The following ADGRD1 variants were observed in gnomAD, a reference collection of about 807,000 sequenced individuals.
The protein encoded by ADGRD1 is adhesion G protein-coupled receptor D1.
In ADGRD1, 77 loss-of-function variants were observed where a neutral mutation model predicts 113.4. That is an observed-to-expected ratio of 0.68 (90% CI 0.57 to 0.82). The LOEUF is 0.82. Ranked by LOEUF, ADGRD1 falls within the 40% of genes least tolerant of loss-of-function variation. ADGRD1 has a pLI of 0.00. For synonymous variants in ADGRD1, 474 were observed against 475.0 expected (o/e 1.00, Z 0.03); for missense variants, 1,036 against 1,139.1 (o/e 0.91, Z 1.30).
At chr12:131,021,866 C>G (rs1241553990) in intron 13 of ADGRD1, among the ~76,000 whole-genome samples, 3 of 152,080 alleles carry the variant, frequency 2.0e-5, no homozygotes, top group African/African-American at 7.2e-5. Context: ...ATCACAATGC[C>G]CTGCTCATTT....
rs191004656 is a variant in ADGRD1 at position 131,113,153 on chromosome 12, C to G, written c.2041+4276C>G. Among the ~76,000 whole-genome samples, 2 of 152,226 alleles carry G rather than the reference C, an allele frequency of 1.3e-5. No individual in the cohort carries two copies. The highest frequency in any genetic ancestry group is 1.3e-4 in the Admixed American group (2 of 15,284). Reference sequence around the variant, plus strand: ...GAAGCAGGTTTTGGCTGAAGTGCCACAGACTCAGTCTTCTTAACAAGATTT... The same window carrying G: ...GAAGCAGGTTTTGGCTGAAGTGCCAGAGACTCAGTCTTCTTAACAAGATTT... On this transcript the variant is annotated intron_variant, in intron 18 of 24. Transcript: ENST00000261654. The surrounding 1 kb of genome is among the most constrained non-coding windows in gnomAD (Gnocchi z 4.9).
At position 130,966,923 on chromosome 12, in the gene ADGRD1, A is replaced by C; in HGVS notation, c.187+377A>C. ...GCGTGAGCCACTGTGCCAGGCCACG[A>C]AGCATTTTACTAGAATTTTTATAGA... On this transcript the variant is annotated intron_variant, in intron 3 of 24. Coordinates refer to ENST00000261654, the MANE Select transcript of ADGRD1 (RefSeq NM_198827.5). This position sits in a 1 kb window ranked among gnomAD's most constrained non-coding sequence, Gnocchi z 4.6. 1 of 441,190 alleles carries C rather than the reference A, an allele frequency of 2.3e-6. No homozygotes were observed. Among genetic ancestry groups the C allele is most frequent in the Admixed American group, 2.4e-5 (1 of 42,362 alleles). The allele number at this position is 441,190 out of a possible 1,614,324, so 27.3% of individuals were successfully genotyped here.
chr12:131,011,080 C>T (rs1877808130), intron 12 of ADGRD1, among the ~76,000 whole-genome samples: 1 of 147,000 alleles, frequency 6.8e-6, no homozygotes, highest in African/African-American at 2.5e-5. Flanking sequence ...AGCCTCTGCC[C>T]CACCCTGCCC....
In ADGRD1 at chr12:131,017,411, A is replaced by ACT. The variant is rs142034491; in HGVS notation, c.1473+3072_1473+3073insTC. Among the ~76,000 whole-genome samples, 241 of 128,168 alleles carry ACT rather than the reference A, an allele frequency of 1.9e-3. 1 individual carries two copies. The highest frequency in any genetic ancestry group is 3.2e-3 in the African/African-American group (91 of 28,366). 84.1% of individuals were successfully genotyped at this position (128,168 alleles called of 152,430 possible). A position where few individuals can be genotyped will look rare whatever the true frequency, so the allele number is the denominator to read the frequency against. On this transcript the variant is annotated intron_variant, in intron 13 of 24. Transcript: ENST00000261654. ...CAGTCCACATACACTCAGTCCACAC[A>ACT]CAGTCCATACCCAGTCCCCACACAC...
At chr12:131,097,117 C>G (rs1382746210) in intron 15 of ADGRD1, among the ~76,000 whole-genome samples, 1 of 152,204 alleles carries the variant, frequency 6.6e-6, no homozygotes, top group Admixed American at 6.5e-5. Flanking sequence ...TCTCTCCCCT[C>G]CCGAGGGTTA....
intron 13 of ADGRD1, among the ~76,000 whole-genome samples, chr12:131,016,450 G>T (rs1211751099): frequency 6.6e-6 from 1 of 152,252 alleles, no homozygotes; most frequent in Non-Finnish European, 1.5e-5. Flanking sequence ...CCCCTGCACA[G>T]GCTGTCCCCT....
intron 4 of ADGRD1, among the ~76,000 whole-genome samples, chr12:130,974,918 G>A (rs1256373254): frequency 6.6e-6 from 1 of 152,016 alleles, no homozygotes; most frequent in Non-Finnish European, 1.5e-5. Flanking sequence ...CCTGTCTTTT[G>A]GCAAATGGTG....
At chr12:131,072,531 T>C (rs1164228132) in intron 13 of ADGRD1, among the ~76,000 whole-genome samples, 2 of 152,132 alleles carry the variant, frequency 1.3e-5, no homozygotes, top group Non-Finnish European at 2.9e-5. Context: ...GGTTGTGAGG[T>C]TGGGGAGGCT....
At chr12:131,103,885 T>TGA (rs1950158823) in intron 15 of ADGRD1, among the ~76,000 whole-genome samples, 1 of 152,188 alleles carries the variant, frequency 6.6e-6, no homozygotes, top group South Asian at 2.1e-4. Flanking sequence ...GGCGCCCTCC[T>TGA]GCACGTGAGC....
Position 131,125,297 on chromosome 12 carries a change from C to G in ADGRD1, c.2175+4384C>G, listed in dbSNP as rs1006848336. ...AGCCACAGAGCCTAGACACCCCGTTCCCCCAAAGAACAGGGACTCTGGATG... is the reference window on the plus strand; with the variant it reads ...AGCCACAGAGCCTAGACACCCCGTTGCCCCAAAGAACAGGGACTCTGGATG... On this transcript the variant is annotated intron_variant, in intron 20 of 24. Coordinates refer to ENST00000261654, the MANE Select transcript of ADGRD1 (RefSeq NM_198827.5). Among the ~76,000 whole-genome samples, 4 of 152,148 alleles carry G rather than the reference C, an allele frequency of 2.6e-5. 1 individual carries two copies. Among genetic ancestry groups the G allele is most frequent in the African/African-American group, 9.7e-5 (4 of 41,418 alleles).
chr12:131,053,401 G>A (rs190206405), intron 13 of ADGRD1, among the ~76,000 whole-genome samples: 86 of 152,242 alleles, frequency 5.6e-4, no homozygotes, highest in Non-Finnish European at 5.9e-4. Flanking sequence ...CTGCTGAAGT[G>A]CTCTGCTAAA....
At chr12:130,992,562 G>A (rs1874561552) in intron 8 of ADGRD1, 170 bp downstream of exon 8, 1 of 578,672 alleles carries the variant, frequency 1.7e-6, no homozygotes. Flanking sequence ...CTCCTGGCCA[G>A]CTCTGTACAG....
In ADGRD1 at chr12:130,966,580, G is replaced by A. The variant is rs200750779; in HGVS notation, c.187+34G>A. ...GCGGGTGCTGAGAGCGGCTGTGGGC[G>A]CGGGAATCCCAGGGCCATCAGGAGG... On this transcript the variant is annotated intron_variant, in intron 3 of 24. Transcript: ENST00000261654. This position sits in a 1 kb window ranked among gnomAD's most constrained non-coding sequence, Gnocchi z 4.6. The A allele has an allele frequency of 1.1e-4, 155 of 1,368,322 alleles. No individual in the cohort carries two copies. The highest frequency in any genetic ancestry group is 1.4e-4 in the Non-Finnish European group (138 of 956,192). 84.8% of individuals were successfully genotyped at this position (1,368,322 alleles called of 1,614,324 possible).
At chr12:131,097,704 A>G (rs1887389759) in intron 15 of ADGRD1, among the ~76,000 whole-genome samples, 2 of 152,206 alleles carry the variant, frequency 1.3e-5, no homozygotes, top group South Asian at 4.1e-4. Context: ...AGGCCCCGTG[A>G]GAGCCTGGAT....
intron 3 of ADGRD1, chr12:130,970,735 T>C (rs1477388175): frequency 2.0e-5 from 3 of 152,398 alleles, no homozygotes; most frequent in African/African-American, 7.2e-5. Context: ...CACCATCAGA[T>C]ACCCTGGCCA....
At chr12:131,032,345 G>A (rs570411859) in intron 13 of ADGRD1, among the ~76,000 whole-genome samples, 7 of 151,724 alleles carry the variant, frequency 4.6e-5, no homozygotes, top group East Asian at 1.9e-4. Flanking sequence ...CCACGAGCAC[G>A]AATCATCTCA....
chr12:131,101,648 A>G (rs769936785), intron 15 of ADGRD1, among the ~76,000 whole-genome samples: 2 of 151,982 alleles, frequency 1.3e-5, no homozygotes, highest in Non-Finnish European at 2.9e-5. Flanking sequence ...TCGGCCTCCC[A>G]GAGTGATTAC....
chr12:131,033,286 C>A (rs1246607792), intron 13 of ADGRD1, among the ~76,000 whole-genome samples: 1 of 152,164 alleles, frequency 6.6e-6, no homozygotes, highest in East Asian at 1.9e-4. Flanking sequence ...GAAGGAAGGA[C>A]TTCCAGGCCG....
At chr12:130,994,530 G>GGGTA (rs1874960992) in intron 8 of ADGRD1, among the ~76,000 whole-genome samples, 1 of 152,212 alleles carries the variant, frequency 6.6e-6, no homozygotes, top group Non-Finnish European at 1.5e-5. Flanking sequence ...GACTAGCCAT[G>GGGTA]GGTACCCTGC....
Sources: gnomAD v4.1 joint callset for allele counts (sites outside exome capture counted in the v4.1 genomes callset) on GRCh38, gnomAD v4.1.1 for gene constraint, Gnocchi (gnomAD v3.1) non-coding constraint, MANE v1.5 for transcripts, NCBI Gene and HGNC (gene_info 2026-07-23, HGNC 2026-07-21) for gene names.